The following CD44 variants were observed in gnomAD, a reference collection of about 807,000 sequenced individuals.
CD44 encodes CD44 antigen.
A neutral mutation model predicts 88.8 loss-of-function variants in CD44; 49 were observed. The ratio of observed to expected loss-of-function variants is 0.55; its 90% confidence interval spans 0.44 to 0.70. The LOEUF (loss-of-function observed/expected upper bound fraction) is 0.70. Among genes scored for constraint, CD44 ranks in the 30% least tolerant of loss-of-function variants. The pLI is 0.00. For synonymous variants in CD44, 325 were observed against 312.3 expected (o/e 1.04, Z -0.43); for missense variants, 883 against 913.8 (o/e 0.97, Z 0.43).
intron 14 of CD44, among the ~76,000 whole-genome samples, chr11:35,213,038 G>C (rs530504433): frequency 6.6e-6 from 1 of 150,828 alleles, no homozygotes; most frequent in Admixed American, 6.6e-5. Context: ...TGGCCAGGCT[G>C]GTCTCGAACT....
intron 17 of CD44, chr11:35,223,303 A>C (rs1949452587): frequency 9.1e-6 from 9 of 984,974 alleles, no homozygotes; most frequent in Admixed American, 6.1e-5. Flanking sequence ...CTTTTGCTCA[A>C]TTAAATATGA....
intron 15 of CD44, among the ~76,000 whole-genome samples, chr11:35,218,571 C>T (rs189748698): frequency 2.0e-5 from 3 of 152,274 alleles, no homozygotes; most frequent in South Asian, 2.1e-4. Flanking sequence ...TTGTGATCCG[C>T]CTGCTTCAGC....
At chr11:35,147,585 C>T (rs1859415671) in intron 1 of CD44, among the ~76,000 whole-genome samples, 1 of 151,656 alleles carries the variant, frequency 6.6e-6, no homozygotes, top group Non-Finnish European at 1.5e-5. Flanking sequence ...GGAATGAGGA[C>T]TCATCCCATA....
chr11:35,222,114 G>C (rs1009698749), intron 17 of CD44, among the ~76,000 whole-genome samples: 1 of 152,140 alleles, frequency 6.6e-6, no homozygotes, highest in Non-Finnish European at 1.5e-5. Flanking sequence ...CACCAGGAAG[G>C]CACACAAAAG....
chr11:35,169,460 G>C (rs1389073021), intron 1 of CD44, among the ~76,000 whole-genome samples: 1 of 151,298 alleles, frequency 6.6e-6, no homozygotes, highest in East Asian at 1.9e-4. Flanking sequence ...ACACAATCTT[G>C]CATATAATCT....
At chr11:35,150,222 C>G (rs532992076) in intron 1 of CD44, among the ~76,000 whole-genome samples, 136 of 152,304 alleles carry the variant, frequency 8.9e-4, no homozygotes, top group African/African-American at 3.2e-3. Context: ...CCACAATATT[C>G]AGACAAAGCA....
At chr11:35,139,492 T>C in intron 1 of CD44, 122 bp downstream of exon 1, 1 of 852,432 alleles carries the variant, frequency 1.2e-6, no homozygotes, top group East Asian at 2.5e-5. Context: ...GTCTGCGAAG[T>C]GCATTGGGCT....
intron 10 of CD44, chr11:35,205,701 C>T: frequency 2.9e-6 from 2 of 690,362 alleles, no homozygotes; most frequent in Non-Finnish European, 3.6e-6. Flanking sequence ...CCTGAGATCA[C>T]TTCCAGCCTA....
chr11:35,179,020 T>C (rs940626264), intron 2 of CD44, among the ~76,000 whole-genome samples: 2 of 152,174 alleles, frequency 1.3e-5, no homozygotes, highest in African/African-American at 4.8e-5. Flanking sequence ...ATATGAAAAC[T>C]TATTACCATT....
At chr11:35,195,888 T>C (rs886918709) in intron 5 of CD44, among the ~76,000 whole-genome samples, 2 of 152,158 alleles carry the variant, frequency 1.3e-5, no homozygotes, top group African/African-American at 2.4e-5. Flanking sequence ...AGAAATTACC[T>C]TGGGCAAGGT....
intron 10 of CD44, chr11:35,204,864 C>T (rs1009521858): frequency 6.5e-6 from 3 of 460,174 alleles, no homozygotes; most frequent in South Asian, 5.0e-5. Flanking sequence ...ACAGGAAACA[C>T]AGAGAAAATG....
chr11:35,154,129 G>A (rs1476046639), intron 1 of CD44, among the ~76,000 whole-genome samples: 2 of 152,152 alleles, frequency 1.3e-5, no homozygotes, highest in Non-Finnish European at 2.9e-5. Flanking sequence ...AAGCTACTGG[G>A]GAAAATTCAT....
chr11:35,150,159 G>C (rs57318274), intron 1 of CD44, among the ~76,000 whole-genome samples: 72 of 152,328 alleles, frequency 4.7e-4, no homozygotes, highest in African/African-American at 1.7e-3. Context: ...TGAGCACCTT[G>C]GACTTGCCAG....
intron 3 of CD44, among the ~76,000 whole-genome samples, 168 bp downstream of exon 3, chr11:35,180,575 T>C (rs1000671345): frequency 3.3e-5 from 5 of 152,140 alleles, no homozygotes; most frequent in South Asian, 2.1e-4. Context: ...ACATGCTAAA[T>C]TGGGGAGGCA....
chr11:35,186,154 A>T (rs1365815497), intron 3 of CD44, among the ~76,000 whole-genome samples: 1 of 152,264 alleles, frequency 6.6e-6, no homozygotes, highest in Non-Finnish European at 1.5e-5. Context: ...CTCAGAAGCA[A>T]CATGCTGAGA....
At chr11:35,141,472 A>C (rs1394367446) in intron 1 of CD44, among the ~76,000 whole-genome samples, 1 of 152,158 alleles carries the variant, frequency 6.6e-6, no homozygotes, top group Non-Finnish European at 1.5e-5. Context: ...GCCTGAAAGA[A>C]GAGGGCCCTG....
At chr11:35,145,869 G>C (rs1226922710) in intron 1 of CD44, among the ~76,000 whole-genome samples, 2 of 152,162 alleles carry the variant, frequency 1.3e-5, no homozygotes, top group Non-Finnish European at 2.9e-5. Flanking sequence ...TAGCTTCTTC[G>C]GGGGCAAATC....
At chr11:35,218,341 T>G (rs76276019) in intron 15 of CD44, among the ~76,000 whole-genome samples, 2,391 of 152,274 alleles carry the variant, frequency 0.016, 28 homozygotes, top group Middle Eastern at 0.041. Context: ...CCTTATTTAT[T>G]TATTGTGAGG....
At chr11:35,164,767 T>A (rs1169015158) in intron 1 of CD44, among the ~76,000 whole-genome samples, 1 of 152,196 alleles carries the variant, frequency 6.6e-6, no homozygotes, top group Non-Finnish European at 1.5e-5. Context: ...TTCTTAATAA[T>A]GAAGGGAAGA....
Sources: allele counts gnomAD v4.1 joint callset (sites outside exome capture counted in the v4.1 genomes callset), GRCh38; gene constraint gnomAD v4.1.1; transcripts MANE v1.5; gene names NCBI Gene and HGNC (gene_info 2026-07-23, HGNC 2026-07-21).